PTPRZ1: variants seen among roughly 807,000 people sequenced by gnomAD.
PTPRZ1 encodes the protein receptor-type tyrosine-protein phosphatase zeta.
A neutral mutation model predicts 214.1 loss-of-function variants in PTPRZ1; 82 were observed. The observed-to-expected ratio is 0.38, with a 90% CI of 0.32 to 0.46. The LOEUF (loss-of-function observed/expected upper bound fraction) is 0.46. Ranked by LOEUF, PTPRZ1 falls within the 20% of genes least tolerant of loss-of-function variation. The probability of loss-of-function intolerance (pLI) is 1.00; values close to 1 mark genes in which losing one functional copy is unlikely to be tolerated. For missense variants in PTPRZ1, 2,603 were observed against 2,748.7 expected (o/e 0.95, Z 1.19); for synonymous variants, 945 against 987.9 (o/e 0.96, Z 0.81).
intron 13 of PTPRZ1, among the ~76,000 whole-genome samples, chr7:122,020,867 G>T (rs1281257398): frequency 2.0e-5 from 3 of 151,876 alleles, no homozygotes; most frequent in Non-Finnish European, 4.4e-5. Flanking sequence ...TTAGCAGAGT[G>T]CTTTGAACCT....
At chr7:121,893,192 C>T (rs1043213542) in intron 1 of PTPRZ1, among the ~76,000 whole-genome samples, 3 of 152,050 alleles carry the variant, frequency 2.0e-5, no homozygotes, top group East Asian at 3.9e-4. Context: ...TTTGTCATGT[C>T]GTTAAACATC....
Position 122,055,073 on chromosome 7 carries a change from T to G in PTPRZ1, c.6514T>G (p.Leu2172Val). Residue 2172 changes from leucine (L) to valine (V), a missense_variant, in exon 27 of 30, where the codon TTA becomes GTA. By Grantham distance (32) the Leu-to-Val change is conservative (BLOSUM62 1). Around this residue, in one of 6 missense-constraint regions of PTPRZ1, gnomAD observed 134 missense variants for 183.3 expected, o/e 0.73. Transcript: ENST00000393386. Reference protein sequence around the residue: ...EEKLIIQDFILEATQDDYVLE... With the variant: ...EEKLIIQDFIVEATQDDYVLE... ...AAAACTTATAATTCAGGACTTTATC[T>G]TAGAAGCTACACAGGTAAGGATATA... 1 of 1,582,454 alleles carries G rather than the reference T, an allele frequency of 6.3e-7. No individual in the cohort carries two copies. The highest frequency in any genetic ancestry group is 8.6e-7 in the Non-Finnish European group (1 of 1,158,576).
chr7:122,010,492 C>T lies in PTPRZ1; in HGVS notation c.1446C>T (p.Ser482=), dbSNP rs138613506. ...ACAATGAAGCCAAGACTAACCGATCCCCAACAAGAGGAAGTGAATTCTCTG... is the reference window on the plus strand; with the variant it reads ...ACAATGAAGCCAAGACTAACCGATCTCCAACAAGAGGAAGTGAATTCTCTG... The part of the protein sequence containing the change: ...TKYNEAKTNR[S]PTRGSEFSGK... Residue 482 remains serine, a synonymous_variant, in exon 12 of 30, where the codon TCC becomes TCT. Coordinates refer to ENST00000393386, the MANE Select transcript of PTPRZ1 (RefSeq NM_002851.3). The T allele has an allele frequency of 1.9e-6, 3 of 1,613,878 alleles. No homozygotes were observed. The highest frequency in any genetic ancestry group is 2.5e-6 in the Non-Finnish European group (3 of 1,179,946).
chr7:121,903,426 G>T (rs1916880), intron 1 of PTPRZ1, among the ~76,000 whole-genome samples: 89,714 of 152,012 alleles, frequency 0.59, 28,131 homozygotes, highest in African/African-American at 0.81. Flanking sequence ...TCTACTGTTG[G>T]TAAAGCACTA....
chr7:121,979,290 G>T (rs1389088502), intron 6 of PTPRZ1, among the ~76,000 whole-genome samples: 2 of 152,004 alleles, frequency 1.3e-5, no homozygotes, highest in Admixed American at 6.6e-5. Flanking sequence ...GCATGATGTT[G>T]CAGCAATACT....
intron 14 of PTPRZ1, among the ~76,000 whole-genome samples, chr7:122,029,219 T>A (rs1217228338): frequency 6.6e-6 from 1 of 151,788 alleles, no homozygotes; most frequent in Non-Finnish European, 1.5e-5. Flanking sequence ...TGTTGAACAG[T>A]TGAATATTTG....
chr7:122,007,805 A>G (rs1450532163), intron 11 of PTPRZ1, among the ~76,000 whole-genome samples: 1 of 152,194 alleles, frequency 6.6e-6, no homozygotes, highest in African/African-American at 2.4e-5. Flanking sequence ...TGGAAGAGTC[A>G]CAATAACTCT....
chr7:121,937,057 A>G (rs960458484), intron 2 of PTPRZ1, among the ~76,000 whole-genome samples: 2 of 152,124 alleles, frequency 1.3e-5, no homozygotes, highest in Non-Finnish European at 2.9e-5. Flanking sequence ...CCCTTACTAC[A>G]CCAGCATCCA....
At chr7:122,035,163 A>G (rs979695292) in intron 17 of PTPRZ1, among the ~76,000 whole-genome samples, 4 of 152,182 alleles carry the variant, frequency 2.6e-5, no homozygotes, top group Non-Finnish European at 5.9e-5. Flanking sequence ...TCATAGGACC[A>G]TGGTATTACC....
At chr7:121,988,678 T>G (rs1797844429) in intron 8 of PTPRZ1, among the ~76,000 whole-genome samples, 1 of 152,212 alleles carries the variant, frequency 6.6e-6, no homozygotes, top group Non-Finnish European at 1.5e-5. Flanking sequence ...CTTTGATTCC[T>G]TGATGAATGG....
intron 1 of PTPRZ1, among the ~76,000 whole-genome samples, chr7:121,926,547 CA>C (rs1413933647): frequency 6.6e-6 from 1 of 151,968 alleles, no homozygotes; most frequent in Non-Finnish European, 1.5e-5. Context: ...AAGGTGGTCG[CA>C]AAAGGCCATG....
At chr7:122,046,731 A>T (rs1435019709) in intron 23 of PTPRZ1, among the ~76,000 whole-genome samples, 2 of 152,086 alleles carry the variant, frequency 1.3e-5, no homozygotes, top group Non-Finnish European at 2.9e-5. Flanking sequence ...AAGACGTGAG[A>T]TATTTCCAAA....
chr7:121,973,817 T>C (rs1797334676), intron 4 of PTPRZ1, among the ~76,000 whole-genome samples: 1 of 151,496 alleles, frequency 6.6e-6, no homozygotes, highest in South Asian at 2.1e-4. Context: ...ACCTGTAATT[T>C]CACCTACTCA....
rs1584738477 is a variant in PTPRZ1 at position 122,010,703 on chromosome 7, T to C, written c.1657T>C (p.Leu553=). The C allele has an allele frequency of 6.2e-7, 1 of 1,613,958 alleles. No homozygotes were observed. The highest frequency in any genetic ancestry group is 2.2e-5 in the East Asian group (1 of 44,874). Residue 553 remains leucine, a synonymous_variant, in exon 12 of 30, where the codon TTG becomes CTG. Transcript: ENST00000393386. ...TGTTCTTAGATCTCCACATATGAAC[T>C]TGTCGGGGACTGCAGAATCCTTAAA... ...KTVLRSPHMN[L]SGTAESLNTV...
chr7:122,007,817 T>C (rs1017298828), intron 11 of PTPRZ1, among the ~76,000 whole-genome samples: 3 of 152,130 alleles, frequency 2.0e-5, no homozygotes, highest in African/African-American at 7.2e-5. Context: ...AATAACTCTA[T>C]AAAGAAATTG....
intron 2 of PTPRZ1, among the ~76,000 whole-genome samples, chr7:121,933,616 T>A (rs374174798): frequency 6.6e-6 from 1 of 152,168 alleles, no homozygotes; most frequent in Admixed American, 6.5e-5. Context: ...TTTCTGTAAA[T>A]AGAATATCCT....
intron 2 of PTPRZ1, among the ~76,000 whole-genome samples, chr7:121,930,106 A>T (rs1242126413): frequency 6.6e-6 from 1 of 152,084 alleles, no homozygotes; most frequent in Non-Finnish European, 1.5e-5. Context: ...AATAAGTTAA[A>T]TTAGAACCTG....
At chr7:121,916,241 T>C (rs1258454953) in intron 1 of PTPRZ1, among the ~76,000 whole-genome samples, 1 of 143,706 alleles carries the variant, frequency 7.0e-6, no homozygotes, top group Non-Finnish European at 1.5e-5. Flanking sequence ...GCCACTGCAC[T>C]CCTGACTGGC....
At chr7:121,994,605 T>C (rs1798079550) in intron 8 of PTPRZ1, among the ~76,000 whole-genome samples, 1 of 152,192 alleles carries the variant, frequency 6.6e-6, no homozygotes, top group Non-Finnish European at 1.5e-5. Context: ...GAGGACGAAG[T>C]CTACAAATGA....
Sources: gnomAD v4.1 joint callset for allele counts (sites outside exome capture counted in the v4.1 genomes callset) on GRCh38, gnomAD v4.1.1 for gene constraint, gnomAD v4.1.1 regional missense constraint, MANE v1.5 for transcripts, NCBI Gene and HGNC (gene_info 2026-07-23, HGNC 2026-07-21) for gene names.